Variants in CAP2 observed in about 807,000 individuals in gnomAD.
CAP2 encodes cyclase associated actin cytoskeleton regulatory protein 2.
In CAP2, 24 loss-of-function variants were observed where a neutral mutation model predicts 57.7. The ratio of observed to expected loss-of-function variants is 0.42; its 90% confidence interval spans 0.30 to 0.58. The LOEUF (loss-of-function observed/expected upper bound fraction) is 0.58, where lower values mean the gene tolerates loss of function less well. CAP2 is among the 20% of genes least tolerant of loss of function. The pLI, the probability that CAP2 is intolerant of heterozygous loss-of-function variation, is 0.22. For missense variants in CAP2, 501 were observed against 590.3 expected (o/e 0.85, Z 1.57); for synonymous variants, 194 against 207.2 (o/e 0.94, Z 0.55).
intron 3 of CAP2, among the ~76,000 whole-genome samples, chr6:17,436,138 C>CTTCG (rs1759883213): frequency 1.3e-5 from 2 of 150,696 alleles, no homozygotes; most frequent in South Asian, 4.2e-4. Context: ...TCCTTCCTTC[C>CTTCG]TTTCTTGATA....
At chr6:17,533,226 T>C (rs1199089629) in intron 7 of CAP2, among the ~76,000 whole-genome samples, 2 of 152,038 alleles carry the variant, frequency 1.3e-5, no homozygotes, top group Non-Finnish European at 2.9e-5. Flanking sequence ...AAATAGAGTA[T>C]ACTTATATAT....
At chr6:17,408,716 A>C (rs1759056928) in intron 1 of CAP2, among the ~76,000 whole-genome samples, 1 of 135,892 alleles carries the variant, frequency 7.4e-6, no homozygotes, top group Admixed American at 8.0e-5. Context: ...ACTGGAGTGC[A>C]GTGGCATGAT....
intron 1 of CAP2, among the ~76,000 whole-genome samples, chr6:17,406,048 T>C (rs553826966): frequency 7.2e-4 from 110 of 151,912 alleles, no homozygotes; most frequent in African/African-American, 2.5e-3. Flanking sequence ...GCCTGAGCAG[T>C]GGTTTATATC....
In CAP2 at chr6:17,426,697, A is replaced by G; in HGVS notation, c.222+7A>G. 6.3e-7 allele frequency: 1 copy of G among 1,592,306 alleles called. No individual in the cohort carries two copies. Among genetic ancestry groups the G allele is most frequent in the Non-Finnish European group, 8.6e-7 (1 of 1,160,126 alleles). On this transcript the variant is annotated splice_region_variant and intron_variant, in intron 3 of 12. Coordinates refer to ENST00000229922, the MANE Select transcript of CAP2 (RefSeq NM_006366.3). ...TGGGGACGTGGAGACCCATGTAAGT[A>G]CTTTCCTCCCCTGTTCTCAGTAGAG... is the stretch of plus-strand genomic sequence containing the variant.
intron 11 of CAP2, among the ~76,000 whole-genome samples, chr6:17,543,624 CAAAAAAAAAAAA>C (rs66747239): frequency 1.2e-5 from 1 of 83,918 alleles, no homozygotes. Context: ...GACTCCATCT[CAAAAAAAAAAAA>C]AAAAAAAAAA....
rs1024450663 is a variant in CAP2, at chr6:17,419,912, G to A, written c.-1-1643G>A. ...TTTTGAGACAGAGTCTCACTCTGTC[G>A]CCAGGCTGGAGTGCAGTGGCACAAT... On this transcript the variant is annotated intron_variant, in intron 1 of 12. Coordinates refer to ENST00000229922, the MANE Select transcript of CAP2 (RefSeq NM_006366.3). Among the ~76,000 whole-genome samples the A allele has an allele frequency of 6.7e-5, 10 of 150,332 alleles. No homozygotes were observed. The South Asian group carries it at 8.5e-4, about 13-fold the overall frequency.
rs574189578 is a variant in CAP2 at position 17,512,589 on chromosome 6, A to G, written c.531-1260A>G. Among the ~76,000 whole-genome samples, 18 of 152,310 alleles carry G rather than the reference A, an allele frequency of 1.2e-4. No individual in the cohort carries two copies. The South Asian group carries it at 3.7e-3, about 32-fold the overall frequency. On this transcript the variant is annotated intron_variant, in intron 6 of 12. Coordinates refer to ENST00000229922, the MANE Select transcript of CAP2 (RefSeq NM_006366.3). ...CTTCCTATGTGCTAGGCACTGTACTAAGACCCTTATAAGACCCTACAGACT... is the reference window on the plus strand; with the variant it reads ...CTTCCTATGTGCTAGGCACTGTACTGAGACCCTTATAAGACCCTACAGACT...
intron 3 of CAP2, among the ~76,000 whole-genome samples, chr6:17,452,589 T>A (rs1457442841): frequency 6.6e-6 from 1 of 152,192 alleles, no homozygotes; most frequent in Non-Finnish European, 1.5e-5. Context: ...TCCATCTCTA[T>A]GACACCTCCA....
intron 4 of CAP2, among the ~76,000 whole-genome samples, chr6:17,494,369 A>G (rs1438940400): frequency 1.3e-5 from 2 of 152,024 alleles, no homozygotes; most frequent in African/African-American, 2.4e-5. Flanking sequence ...TTCCAGCTAC[A>G]TGGTTCTGCT....
At chr6:17,546,868 T>C (rs1763059071) in intron 11 of CAP2, among the ~76,000 whole-genome samples, 1 of 152,110 alleles carries the variant, frequency 6.6e-6, no homozygotes, top group African/African-American at 2.4e-5. Context: ...GGGTATTCAA[T>C]TAGGAAAAGA....
rs1280905267 is a variant in CAP2 at position 17,556,501 on chromosome 6, C to T, written c.*59C>T. 1.6e-6 allele frequency: 2 copies of T among 1,267,696 alleles called. No homozygotes were observed. The highest frequency in any genetic ancestry group is 2.3e-6 in the Non-Finnish European group (2 of 864,580). The allele number at this position is 1,267,696 out of a possible 1,614,324, so 78.5% of individuals were successfully genotyped here. A position where few individuals can be genotyped will look rare whatever the true frequency, so the allele number is the denominator to read the frequency against. ...CCCCTCTATCAAACAAACAAAAAAGCAGCAGTAAAGAGCTAGAAGTTGCAG... is the reference window on the plus strand; with the variant it reads ...CCCCTCTATCAAACAAACAAAAAAGTAGCAGTAAAGAGCTAGAAGTTGCAG... On this transcript the variant is annotated 3_prime_UTR_variant, in exon 13 of 13. Transcript: ENST00000229922.
intron 11 of CAP2, among the ~76,000 whole-genome samples, chr6:17,546,501 T>C (rs1763050627): frequency 6.6e-6 from 1 of 152,238 alleles, no homozygotes; most frequent in Non-Finnish European, 1.5e-5. Flanking sequence ...GGTTGCCTGT[T>C]CGCTCTGATG....
At chr6:17,474,198 T>C (rs1761091919) in intron 4 of CAP2, among the ~76,000 whole-genome samples, 1 of 147,250 alleles carries the variant, frequency 6.8e-6, no homozygotes, top group African/African-American at 2.5e-5. Flanking sequence ...TTTTTTTTTT[T>C]TTTTTTTTTT....
At chr6:17,549,159 A>G (rs1763116366) in intron 11 of CAP2, among the ~76,000 whole-genome samples, 1 of 152,200 alleles carries the variant, frequency 6.6e-6, no homozygotes, top group African/African-American at 2.4e-5. Context: ...TTTATAAAGA[A>G]CTTAAATCAA....
At chr6:17,427,592 CAG>C (rs1759625722) in intron 3 of CAP2, among the ~76,000 whole-genome samples, 1 of 145,236 alleles carries the variant, frequency 6.9e-6, no homozygotes, top group Admixed American at 6.8e-5. Flanking sequence ...CTGTGGAAAA[CAG>C]TGTGTTGGCT....
chr6:17,548,385 G>GAAAGA (rs1481408629), intron 11 of CAP2, among the ~76,000 whole-genome samples: 3 of 151,388 alleles, frequency 2.0e-5, no homozygotes, highest in Admixed American at 6.6e-5. Context: ...AAGAAAGAAA[G>GAAAGA]AAAGAAAAGA....
intron 4 of CAP2, among the ~76,000 whole-genome samples, chr6:17,469,335 T>C (rs1760953792): frequency 6.6e-6 from 1 of 152,180 alleles, no homozygotes; most frequent in Admixed American, 6.5e-5. Context: ...CTTCACACTT[T>C]CCCTATTTTC....
chr6:17,523,864 A>G (rs1355818851), intron 7 of CAP2, among the ~76,000 whole-genome samples: 1 of 152,192 alleles, frequency 6.6e-6, no homozygotes, highest in African/African-American at 2.4e-5. Context: ...TCACAAGGTC[A>G]AGAGATCAAG....
chr6:17,486,099 AT>A lies in CAP2; in HGVS notation c.301-21069del, dbSNP rs1554126199. Among the ~76,000 whole-genome samples, 4 of 152,132 alleles carry A rather than the reference AT, an allele frequency of 2.6e-5. No homozygotes were observed. The East Asian group carries it at 7.8e-4, about 30-fold the overall frequency. On this transcript the variant is annotated intron_variant, in intron 4 of 12. Coordinates refer to ENST00000229922, the MANE Select transcript of CAP2 (RefSeq NM_006366.3). ...GTGGCATGCACCTGTAGTCCCAGCT[AT>A]CTGGGAGGCTGAGGTCGGAGGACCC...
Sources: allele counts gnomAD v4.1 joint callset (sites outside exome capture counted in the v4.1 genomes callset), GRCh38; gene constraint gnomAD v4.1.1; transcripts MANE v1.5; gene names NCBI Gene and HGNC (gene_info 2026-07-23, HGNC 2026-07-21).